The following APCDD1 variants were observed in gnomAD, a reference collection of about 807,000 sequenced individuals.
APCDD1 encodes the protein APC down-regulated 1, also known as protein APCDD1.
A neutral mutation model predicts 38.1 loss-of-function variants in APCDD1; 15 were observed. The observed-to-expected ratio is 0.39, with a 90% confidence interval of 0.26 to 0.61. The LOEUF is 0.61. Among genes scored for constraint, APCDD1 ranks in the 20% least tolerant of loss-of-function variants. APCDD1 has a pLI of 0.49. For synonymous variants in APCDD1, 261 were observed against 279.7 expected, an observed-to-expected ratio of 0.93 and a Z score of 0.67; for missense variants, 647 against 696.2, an observed-to-expected ratio of 0.93 and a Z score of 0.79.
rs1359080341 is a variant in APCDD1, at chr18:10,483,060, G to A, written c.775-2402G>A. Among the ~76,000 whole-genome samples, 3 of 152,218 alleles carry A rather than the reference G, an allele frequency of 2.0e-5. No homozygotes were observed. The East Asian group carries it at 5.8e-4, about 29-fold the overall frequency. On this transcript the variant is annotated intron_variant, in intron 3 of 4. Transcript: ENST00000355285. ...GCTGTTCATTTCTTGCAGCAGTTAT[G>A]CAAGTAAGTATAATGATCACCATTG...
rs187858427 is a variant in APCDD1 at position 10,467,613 on chromosome 18, A to G, written c.59-856A>G. 1.3e-5 allele frequency among the ~76,000 whole-genome samples: 2 copies of G among 152,338 alleles called. No individual in the cohort carries two copies. Among genetic ancestry groups the G allele is most frequent in the Admixed American group, 6.5e-5 (1 of 15,302 alleles). On this transcript the variant is annotated intron_variant, in intron 1 of 4. Transcript: ENST00000355285. This position sits in a 1 kb window ranked among gnomAD's most constrained non-coding sequence, Gnocchi z 4.8. ...TCGTTCTGAAGATAAGTTTACTGCTAGTATGTCTTTACCCCTGGGAAATAA... is the reference window on the plus strand; with the variant it reads ...TCGTTCTGAAGATAAGTTTACTGCTGGTATGTCTTTACCCCTGGGAAATAA...
chr18:10,473,409 G>A (rs2030912722), intron 3 of APCDD1, among the ~76,000 whole-genome samples: 1 of 152,202 alleles, frequency 6.6e-6, no homozygotes, highest in African/African-American at 2.4e-5. Flanking sequence ...GATGCCCTTG[G>A]GGGTTTGTTC....
intron 3 of APCDD1, among the ~76,000 whole-genome samples, chr18:10,482,575 C>T (rs992628242): frequency 1.3e-5 from 2 of 152,186 alleles, no homozygotes; most frequent in African/African-American, 4.8e-5. Context: ...AGCCAGGGGC[C>T]GGCTCCTGCA....
chr18:10,489,339 C>T lies in APCDD1; in HGVS notation c.*1301C>T, dbSNP rs957196467. On this transcript the variant is annotated 3_prime_UTR_variant, in exon 5 of 5. Transcript: ENST00000355285. ...ACTGGGAAAGGGAAATGGGAGTAAC[C>T]GAAAGCCAGATGGAACGAAAGCAAA... 5 of 152,064 alleles carry T rather than the reference C, an allele frequency of 3.3e-5. No homozygotes were observed. Among genetic ancestry groups the T allele is most frequent in the African/African-American group, 1.2e-4 (5 of 41,370 alleles). 9.4% of individuals were successfully genotyped at this position (152,064 alleles called of 1,614,324 possible). A position where few individuals can be genotyped will look rare whatever the true frequency, so the allele number is the denominator to read the frequency against.
At chr18:10,481,303 G>C (rs899854056) in intron 3 of APCDD1, among the ~76,000 whole-genome samples, 1 of 152,184 alleles carries the variant, frequency 6.6e-6, no homozygotes, top group Non-Finnish European at 1.5e-5. Context: ...AATGTCCATC[G>C]ACAGATGAAT....
At chr18:10,477,743 G>A (rs2031037783) in intron 3 of APCDD1, 3 of 152,238 alleles carry the variant, frequency 2.0e-5, no homozygotes, top group Admixed American at 2.0e-4. Context: ...GAGAAAGGAA[G>A]AGGATGGGCC....
At position 10,488,071 on chromosome 18, in the gene APCDD1, G is replaced by T; in HGVS notation, c.*33G>T. On this transcript the variant is annotated 3_prime_UTR_variant, in exon 5 of 5. Coordinates refer to ENST00000355285, the MANE Select transcript of APCDD1 (RefSeq NM_153000.5). ...AGAAAGTTCTATTTTTCCAAACCAGGATTCCTTACTATTGACAGATTTGCT... is the reference window on the plus strand; with the variant it reads ...AGAAAGTTCTATTTTTCCAAACCAGTATTCCTTACTATTGACAGATTTGCT... 1 of 1,609,728 alleles carries T rather than the reference G, an allele frequency of 6.2e-7. No individual in the cohort carries two copies. The highest frequency in any genetic ancestry group is 8.5e-7 in the Non-Finnish European group (1 of 1,179,212).
At chr18:10,455,355 ACTTTCGTCCGCTCTG>A (rs2030352410) in intron 1 of APCDD1, among the ~76,000 whole-genome samples, 1 of 152,200 alleles carries the variant, frequency 6.6e-6, no homozygotes. Flanking sequence ...TCCGAGGGAA[ACTTTCGTCCGCTCTG>A]CTGGATTTTC....
chr18:10,458,758 C>G (rs1005064731), intron 1 of APCDD1, among the ~76,000 whole-genome samples: 20 of 152,096 alleles, frequency 1.3e-4, no homozygotes, highest in African/African-American at 4.6e-4. Context: ...ACATTTCAGA[C>G]CAGAAATAGA....
chr18:10,482,024 G>C (rs1048757861), intron 3 of APCDD1, among the ~76,000 whole-genome samples: 1 of 152,064 alleles, frequency 6.6e-6, no homozygotes, highest in Admixed American at 6.6e-5. Flanking sequence ...CAGCCCAGGC[G>C]ACAGCAGTGC....
intron 3 of APCDD1, among the ~76,000 whole-genome samples, chr18:10,481,643 TG>T (rs2031140311): frequency 6.7e-6 from 1 of 149,992 alleles, no homozygotes; most frequent in African/African-American, 2.5e-5. Context: ...ATGGCTAAGA[TG>T]GCAAATTCTA....
chr18:10,455,760 TAGAGA>T (rs2030365106), intron 1 of APCDD1, among the ~76,000 whole-genome samples: 1 of 152,176 alleles, frequency 6.6e-6, no homozygotes, highest in Non-Finnish European at 1.5e-5. Flanking sequence ...AACCTTTAGC[TAGAGA>T]ACATCAGCCC....
intron 1 of APCDD1, among the ~76,000 whole-genome samples, chr18:10,462,045 TC>T (rs1380365266): frequency 2.0e-5 from 3 of 152,316 alleles, no homozygotes; most frequent in Non-Finnish European, 4.4e-5. Flanking sequence ...AGAACCTGAA[TC>T]GTCAAAGAAA....
In APCDD1 at chr18:10,466,651, G is replaced by T. The variant is rs1050014550; in HGVS notation, c.59-1818G>T. On this transcript the variant is annotated intron_variant, in intron 1 of 4. Transcript: ENST00000355285. ...GAGGGCAGAATGAGGGAGGGGGAGGGAATGCCCAGGAGTACCACTCTAGTG... is the reference window on the plus strand; with the variant it reads ...GAGGGCAGAATGAGGGAGGGGGAGGTAATGCCCAGGAGTACCACTCTAGTG... 2.0e-5 allele frequency among the ~76,000 whole-genome samples: 3 copies of T among 152,202 alleles called. No individual in the cohort carries two copies. In the East Asian group the frequency reaches 5.8e-4, roughly 29 times the overall value.
Position 10,467,205 on chromosome 18 carries a change from TGTAA to T in APCDD1, c.59-1261_59-1258del, listed in dbSNP as rs1159391648. 6.6e-6 allele frequency among the ~76,000 whole-genome samples: 1 copy of T among 152,278 alleles called. No homozygotes were observed. Among genetic ancestry groups the T allele is most frequent in the African/African-American group, 2.4e-5 (1 of 41,476 alleles). ...TCCAGGTAGATTTTCGTCATGTTGC[TGTAA>T]GTGACTATATTCTGAATCTAACTTC... On this transcript the variant is annotated intron_variant, in intron 1 of 4. Transcript: ENST00000355285. The surrounding 1 kb of genome is among the most constrained non-coding windows in gnomAD (Gnocchi z 4.8).
In APCDD1 at chr18:10,487,673, G is replaced by T; in HGVS notation, c.1180G>T (p.Gly394Cys). The T allele has an allele frequency of 6.2e-7, 1 of 1,614,166 alleles. No homozygotes were observed. The highest frequency in any genetic ancestry group is 8.5e-7 in the Non-Finnish European group (1 of 1,180,044). Reference protein sequence around the residue: ...VFNGNECGAEGSWQVGIQQDV... With the variant: ...VFNGNECGAECSWQVGIQQDV... ...CAACGGGAATGAGTGCGGGGCCGAG[G>T]GCTCCTGGCAGGTGGGCATCCAGCA... is the stretch of plus-strand genomic sequence containing the variant. Residue 394 changes from glycine (G) to cysteine (C), a missense_variant, in exon 5 of 5, where the codon GGC becomes TGC. Physicochemically the swap from Gly to Cys is radical, Grantham distance 159 (BLOSUM62 -3). Coordinates refer to ENST00000355285, the MANE Select transcript of APCDD1 (RefSeq NM_153000.5).
chr18:10,470,563 A>T lies in APCDD1; in HGVS notation c.243-967A>T, dbSNP rs1319564376. Among the ~76,000 whole-genome samples the T allele has an allele frequency of 6.6e-6, 1 of 152,184 alleles. No individual in the cohort carries two copies. The highest frequency in any genetic ancestry group is 1.5e-5 in the Non-Finnish European group (1 of 68,034). ...CTGCTTGATTTAGCAGCGCTTCGTCAGTTCAAACCAGAATCTGTGTTAGCA... is the reference window on the plus strand; with the variant it reads ...CTGCTTGATTTAGCAGCGCTTCGTCTGTTCAAACCAGAATCTGTGTTAGCA... On this transcript the variant is annotated intron_variant, in intron 2 of 4. Coordinates refer to ENST00000355285, the MANE Select transcript of APCDD1 (RefSeq NM_153000.5). This position sits in a 1 kb window ranked among gnomAD's most constrained non-coding sequence, Gnocchi z 4.1.
intron 3 of APCDD1, among the ~76,000 whole-genome samples, chr18:10,478,481 G>A (rs2031059075): frequency 1.3e-5 from 2 of 152,198 alleles, no homozygotes; most frequent in Admixed American, 6.5e-5. Context: ...CCAAGATCAA[G>A]GCACCAGCAT....
At chr18:10,486,773 C>T (rs2031258146) in intron 4 of APCDD1, among the ~76,000 whole-genome samples, 1 of 152,190 alleles carries the variant, frequency 6.6e-6, no homozygotes, top group South Asian at 2.1e-4. Flanking sequence ...GAGGGATAGC[C>T]TCGATCCCAG....
Sources: allele counts gnomAD v4.1 joint callset (sites outside exome capture counted in the v4.1 genomes callset), GRCh38; gene constraint gnomAD v4.1.1; non-coding constraint Gnocchi (gnomAD v3.1); transcripts MANE v1.5; gene names NCBI Gene and HGNC (gene_info 2026-07-23, HGNC 2026-07-21).